ARHGAP15: variants seen among roughly 807,000 people sequenced by gnomAD.
The protein encoded by ARHGAP15 is rho GTPase-activating protein 15.
ARHGAP15 carries 51 observed loss-of-function variants against 63.7 expected under a neutral mutation model. The observed-to-expected ratio is 0.80, with a 90% CI of 0.64 to 1.01. ARHGAP15 has a LOEUF of 1.01. Among genes scored for constraint, ARHGAP15 ranks in the 50% least tolerant of loss-of-function variants. The pLI is 0.00. For synonymous variants in ARHGAP15, 191 were observed against 193.8 expected (o/e 0.99, Z 0.12); for missense variants, 560 against 564.6 (o/e 0.99, Z 0.08).
At chr2:143,188,096 C>T (rs925525021) in intron 2 of ARHGAP15, among the ~76,000 whole-genome samples, 6 of 152,076 alleles carry the variant, frequency 3.9e-5, no homozygotes, top group South Asian at 2.1e-4. Flanking sequence ...TTAAATATTA[C>T]GCATATACTG....
Position 143,224,550 on chromosome 2 carries a change from G to T in ARHGAP15, c.297-4031G>T, listed in dbSNP as rs1171149352. Among the ~76,000 whole-genome samples, 2 of 152,096 alleles carry T rather than the reference G, an allele frequency of 1.3e-5. 1 individual carries two copies. The highest frequency in any genetic ancestry group is 4.8e-5 in the African/African-American group (2 of 41,400). On this transcript the variant is annotated intron_variant, in intron 4 of 13. Coordinates refer to ENST00000295095, the MANE Select transcript of ARHGAP15 (RefSeq NM_018460.4). The stretch of plus-strand genomic sequence containing the variant: ...AAAACTGTGTTTATCCTAGAAAATA[G>T]TCTATTTGCAAAGTTTCCTCAGAAA...
intron 12 of ARHGAP15, among the ~76,000 whole-genome samples, chr2:143,659,336 CTA>C (rs1182719597): frequency 6.6e-5 from 10 of 152,196 alleles, no homozygotes; most frequent in African/African-American, 2.4e-4. Context: ...CTTGTGGTAA[CTA>C]TTACACAGTG....
At chr2:143,644,834 G>A (rs1018754912) in intron 12 of ARHGAP15, among the ~76,000 whole-genome samples, 3 of 152,016 alleles carry the variant, frequency 2.0e-5, no homozygotes, top group Non-Finnish European at 4.4e-5. Context: ...TAAATGTCTC[G>A]ATGGTTCTTG....
intron 6 of ARHGAP15, among the ~76,000 whole-genome samples, chr2:143,385,235 C>CA (rs1687226540): frequency 6.6e-6 from 1 of 151,994 alleles, no homozygotes; most frequent in African/African-American, 2.4e-5. Context: ...CAGTTATTTA[C>CA]AATGATTGAG....
At chr2:143,437,067 A>G (rs748193865) in intron 8 of ARHGAP15, 25 bp downstream of exon 8, 16 of 1,582,850 alleles carry the variant, frequency 1.0e-5, no homozygotes, top group Non-Finnish European at 1.4e-5. Flanking sequence ...TGACTTGCTC[A>G]TTTTAAGTTT....
chr2:143,373,011 G>A (rs1686629944), intron 6 of ARHGAP15, among the ~76,000 whole-genome samples: 1 of 151,142 alleles, frequency 6.6e-6, no homozygotes, highest in South Asian at 2.1e-4. Context: ...AATCTAGTGA[G>A]GGAGATACAC....
At chr2:143,171,136 A>G (rs1418734461) in intron 2 of ARHGAP15, among the ~76,000 whole-genome samples, 1 of 152,166 alleles carries the variant, frequency 6.6e-6, no homozygotes, top group Admixed American at 6.6e-5. Flanking sequence ...GCTGAATTAA[A>G]GAAGAAAAAT....
At chr2:143,148,387 G>A (rs1689678229) in intron 1 of ARHGAP15, among the ~76,000 whole-genome samples, 1 of 152,050 alleles carries the variant, frequency 6.6e-6, no homozygotes, top group African/African-American at 2.4e-5. Flanking sequence ...TCAGAGTAGA[G>A]GCTCAATAAA....
At chr2:143,523,055 C>T (rs1178528575) in intron 10 of ARHGAP15, among the ~76,000 whole-genome samples, 1 of 152,094 alleles carries the variant, frequency 6.6e-6, no homozygotes, top group African/African-American at 2.4e-5. Context: ...AATTGACTAT[C>T]CTTTGTTGAG....
chr2:143,672,830 A>G (rs1373979850), intron 12 of ARHGAP15, among the ~76,000 whole-genome samples: 2 of 152,218 alleles, frequency 1.3e-5, no homozygotes, highest in Admixed American at 1.3e-4. Context: ...AAGCAAGCAA[A>G]TCAAGAAGTT....
chr2:143,412,578 C>G (rs901139794), intron 6 of ARHGAP15, among the ~76,000 whole-genome samples: 1 of 152,046 alleles, frequency 6.6e-6, no homozygotes, highest in Admixed American at 6.6e-5. Flanking sequence ...TTAAAAATCA[C>G]CTTTTTGGGG....
At chr2:143,262,676 C>CTG (rs1452659772) in intron 6 of ARHGAP15, among the ~76,000 whole-genome samples, 1 of 151,858 alleles carries the variant, frequency 6.6e-6, no homozygotes. Context: ...CCTCCTGCTG[C>CTG]TGTGCATATG....
intron 6 of ARHGAP15, among the ~76,000 whole-genome samples, chr2:143,426,007 C>T (rs773939059): frequency 6.6e-5 from 10 of 152,098 alleles, no homozygotes; most frequent in Non-Finnish European, 1.0e-4. Context: ...AAATAGATAC[C>T]GTTCTTTCTT....
At chr2:143,177,643 A>G (rs1691060136) in intron 2 of ARHGAP15, among the ~76,000 whole-genome samples, 1 of 152,168 alleles carries the variant, frequency 6.6e-6, no homozygotes, top group African/African-American at 2.4e-5. Flanking sequence ...TCATCCTTTC[A>G]GGGGGTCCAA....
intron 6 of ARHGAP15, among the ~76,000 whole-genome samples, chr2:143,310,999 A>G (rs1455513961): frequency 6.6e-6 from 1 of 152,038 alleles, no homozygotes; most frequent in South Asian, 2.1e-4. Context: ...AGTCTGTTTC[A>G]AATAGAAAAA....
At chr2:143,443,339 CA>C (rs1689979266) in intron 8 of ARHGAP15, among the ~76,000 whole-genome samples, 1 of 151,104 alleles carries the variant, frequency 6.6e-6, no homozygotes, top group East Asian at 1.9e-4. Flanking sequence ...CCTGGAAAAA[CA>C]AAAAAGTCGT....
intron 12 of ARHGAP15, among the ~76,000 whole-genome samples, chr2:143,688,280 C>T (rs1683439805): frequency 6.6e-6 from 1 of 152,154 alleles, no homozygotes; most frequent in African/African-American, 2.4e-5. Flanking sequence ...CATTATGCCA[C>T]TCTCTGCAGC....
At chr2:143,556,511 T>C (rs758018121) in intron 11 of ARHGAP15, 26 bp downstream of exon 11, 44 of 1,571,488 alleles carry the variant, frequency 2.8e-5, no homozygotes, top group Non-Finnish European at 3.7e-5. Flanking sequence ...TTCAGAGATT[T>C]TTTCAAACAG....
At chr2:143,403,980 G>A (rs1406131521) in intron 6 of ARHGAP15, among the ~76,000 whole-genome samples, 1 of 151,592 alleles carries the variant, frequency 6.6e-6, no homozygotes, top group Admixed American at 6.6e-5. Flanking sequence ...ACATATTCAA[G>A]TGAGAGTAGA....
Sources: allele counts gnomAD v4.1 joint callset (sites outside exome capture counted in the v4.1 genomes callset), GRCh38; gene constraint gnomAD v4.1.1; transcripts MANE v1.5; gene names NCBI Gene and HGNC (gene_info 2026-07-23, HGNC 2026-07-21).